ZFYVE28: variants seen among roughly 807,000 people sequenced by gnomAD.
ZFYVE28 encodes the protein zinc finger FYVE-type containing 28.
In ZFYVE28, 40 loss-of-function variants were observed where a neutral mutation model predicts 82.1. That is an observed-to-expected ratio of 0.49 (90% CI 0.38 to 0.63). ZFYVE28 has a LOEUF of 0.63. ZFYVE28 is among the 30% of genes least tolerant of loss of function. The pLI is 0.00. For synonymous variants in ZFYVE28, 612 were observed against 546.1 expected, an observed-to-expected ratio of 1.12 and a Z score of -1.68; for missense variants, 1,321 against 1,242.1, an observed-to-expected ratio of 1.06 and a Z score of -0.96.
At chr4:2,333,556 G>A (rs1721074081) in intron 6 of ZFYVE28, among the ~76,000 whole-genome samples, 1 of 152,036 alleles carries the variant, frequency 6.6e-6, no homozygotes, top group African/African-American at 2.4e-5. Context: ...GGTCACCTGG[G>A]GTCACCTGCA....
Position 2,270,546 on chromosome 4 carries a change from G to T in ZFYVE28, c.*179C>A. On this transcript the variant is annotated 3_prime_UTR_variant, in exon 13 of 13. Transcript: ENST00000290974. ...TCTTGTTGGCCCCTGCAGCCGGCCC[G>T]GGGTCCCTGCAGGGAGGCTAGCGTG... 1.1e-6 allele frequency: 1 copy of T among 911,068 alleles called. No homozygotes were observed. 56.4% of individuals were successfully genotyped at this position (911,068 alleles called of 1,614,324 possible). A position where few individuals can be genotyped will look rare whatever the true frequency, so the allele number is the denominator to read the frequency against.
chr4:2,283,565 A>T (rs1389891114), intron 8 of ZFYVE28, among the ~76,000 whole-genome samples: 1 of 119,706 alleles, frequency 8.4e-6, no homozygotes, highest in Admixed American at 8.0e-5. Flanking sequence ...CAACCATCCA[A>T]CCGTCCATCC....
intron 8 of ZFYVE28, among the ~76,000 whole-genome samples, chr4:2,293,920 C>T (rs1714144122): frequency 6.6e-6 from 1 of 151,946 alleles, no homozygotes; most frequent in Non-Finnish European, 1.5e-5. Context: ...AAGACCTGTA[C>T]AGTTAAAAAC....
chr4:2,302,026 G>A (rs1715630697), intron 8 of ZFYVE28, among the ~76,000 whole-genome samples: 1 of 152,256 alleles, frequency 6.6e-6, no homozygotes, highest in Admixed American at 6.5e-5. Context: ...CTGCCCCGCA[G>A]TGAAGGGAAG....
chr4:2,302,151 G>A (rs748870172), intron 8 of ZFYVE28, among the ~76,000 whole-genome samples: 5 of 152,206 alleles, frequency 3.3e-5, no homozygotes, highest in South Asian at 2.1e-4. Context: ...GGGGATACGC[G>A]GGTGTGTATC....
At chr4:2,296,658 G>A (rs907882940) in intron 8 of ZFYVE28, among the ~76,000 whole-genome samples, 18 of 152,090 alleles carry the variant, frequency 1.2e-4, no homozygotes, top group African/African-American at 2.7e-4. Flanking sequence ...ACCTGCCACC[G>A]GGCCCCAGAC....
In ZFYVE28 at chr4:2,366,171, C is replaced by T. The variant is rs76000660; in HGVS notation, c.40-12098G>A. On this transcript the variant is annotated intron_variant, in intron 1 of 12. Transcript: ENST00000290974. ...GCAGAATTACAGCACCCAGTTATTC[C>T]AGCAAAAAACATAGGCGTGAACTCT... is the stretch of plus-strand genomic sequence containing the variant. Among the ~76,000 whole-genome samples the T allele has an allele frequency of 9.2e-3, 1,395 of 152,272 alleles. 19 individuals are homozygous for T. The highest frequency in any genetic ancestry group is 0.032 in the African/African-American group (1,309 of 41,554).
intron 1 of ZFYVE28, among the ~76,000 whole-genome samples, chr4:2,390,166 AG>A (rs2108923684): frequency 6.7e-6 from 1 of 148,640 alleles, no homozygotes; most frequent in South Asian, 2.1e-4. Flanking sequence ...GTGAAGATGG[AG>A]GTGGAGACTG....
chr4:2,316,836 G>A (rs1417839282), intron 7 of ZFYVE28, among the ~76,000 whole-genome samples: 6 of 152,036 alleles, frequency 3.9e-5, no homozygotes. Context: ...GGGACTACAG[G>A]TGCGCACCAC....
chr4:2,398,673 C>G (rs1447152036), intron 1 of ZFYVE28, among the ~76,000 whole-genome samples: 5 of 128,760 alleles, frequency 3.9e-5, no homozygotes, highest in South Asian at 2.8e-4. Flanking sequence ...CGAGGAGGAG[C>G]GAGATCCAGG....
chr4:2,288,022 C>G (rs1049426077), intron 8 of ZFYVE28, among the ~76,000 whole-genome samples: 1 of 152,216 alleles, frequency 6.6e-6, no homozygotes, highest in African/African-American at 2.4e-5. Flanking sequence ...CCTCCACCCC[C>G]ACTCCTGTCT....
Position 2,304,626 on chromosome 4 carries a change from C to T in ZFYVE28, c.1714G>A (p.Asp572Asn), listed in dbSNP as rs765213994. ...CGCTCCACCACGTCCTCCCTGCTGT[C>T]CCCGCAGCTCCCACAGCACACGCAG... ...HSCVCCGSCG[D>N]SREDVVERLR... Residue 572 changes from aspartate to asparagine, a missense_variant, in exon 8 of 13, where the codon GAC becomes AAC. Physicochemically the swap from Asp to Asn is conservative, Grantham distance 23 (BLOSUM62 1). Coordinates refer to ENST00000290974, the MANE Select transcript of ZFYVE28 (RefSeq NM_020972.3). 5.0e-6 allele frequency: 8 copies of T among 1,612,380 alleles called. No individual in the cohort carries two copies. The highest frequency in any genetic ancestry group is 1.7e-5 in the Admixed American group (1 of 59,944).
chr4:2,385,379 G>C (rs1046731140), intron 1 of ZFYVE28, among the ~76,000 whole-genome samples: 2 of 152,290 alleles, frequency 1.3e-5, no homozygotes, highest in East Asian at 3.9e-4. Flanking sequence ...CGCTGAGAGA[G>C]CACCTGCTGC....
chr4:2,390,591 C>T (rs962778273), intron 1 of ZFYVE28, among the ~76,000 whole-genome samples: 6 of 152,112 alleles, frequency 3.9e-5, no homozygotes, highest in African/African-American at 1.4e-4. Flanking sequence ...AGAAATGTCC[C>T]CAGAATACTC....
chr4:2,381,719 T>C (rs975570498), intron 1 of ZFYVE28, among the ~76,000 whole-genome samples: 5 of 152,184 alleles, frequency 3.3e-5, no homozygotes, highest in Non-Finnish European at 4.4e-5. Flanking sequence ...GACAATGTGA[T>C]AGAAGAGAAA....
Position 2,409,692 on chromosome 4 carries a change from G to A in ZFYVE28, c.39+8593C>T, listed in dbSNP as rs1261869823. Among the ~76,000 whole-genome samples, 1 of 152,238 alleles carries A rather than the reference G, an allele frequency of 6.6e-6. No homozygotes were observed. Among genetic ancestry groups the A allele is most frequent in the Non-Finnish European group, 1.5e-5 (1 of 68,046 alleles). On this transcript the variant is annotated intron_variant, in intron 1 of 12. Transcript: ENST00000290974. This position sits in a 1 kb window ranked among gnomAD's most constrained non-coding sequence, Gnocchi z 4.4. ...AGGCTGAGTCCAGTACACCCACGGT[G>A]GGGTGGGGGGGCTGACCCCTGCGGG...
In ZFYVE28 at chr4:2,304,836, C is replaced by T; in HGVS notation, c.1504G>A (p.Glu502Lys). 1.2e-6 allele frequency: 2 copies of T among 1,612,676 alleles called. No individual in the cohort carries two copies. The highest frequency in any genetic ancestry group is 1.7e-6 in the Non-Finnish European group (2 of 1,179,932). Reference sequence around the variant, plus strand: ...CCCCCTGTCCGGTGGGCGATCATCTCAGCCGTCTCTGCGTCATCCGCACCC... The same window carrying T: ...CCCCCTGTCCGGTGGGCGATCATCTTAGCCGTCTCTGCGTCATCCGCACCC... The part of the protein sequence containing the change: ...EVGADDAETA[E>K]MIAHRTGGMK... The change falls in exon 8 of 13, where the codon GAG becomes AAG. Residue 502 changes from glutamate to lysine, a missense_variant. By Grantham distance (56) the Glu-to-Lys change is moderately conservative. Transcript: ENST00000290974.
At position 2,417,840 on chromosome 4, in the gene ZFYVE28, G is replaced by A. The variant is rs912165771; in HGVS notation, c.39+445C>T. On this transcript the variant is annotated intron_variant, in intron 1 of 12. Transcript: ENST00000290974. The surrounding 1 kb of genome is among the most constrained non-coding windows in gnomAD (Gnocchi z 4.8). ...GATCTATTCCGGGCCCAGGACAATG[G>A]GGGTGGGGGCAGGACGGGAATGAGG... Among the ~76,000 whole-genome samples, 1 of 151,558 alleles carries A rather than the reference G, an allele frequency of 6.6e-6. No individual in the cohort carries two copies. Among genetic ancestry groups the A allele is most frequent in the Non-Finnish European group, 1.5e-5 (1 of 67,966 alleles).
chr4:2,313,667 A>C (rs927694273), intron 7 of ZFYVE28, among the ~76,000 whole-genome samples: 3 of 152,108 alleles, frequency 2.0e-5, no homozygotes, highest in Non-Finnish European at 2.9e-5. Flanking sequence ...GGAGTTCAGG[A>C]CCAGCCTGGC....
Sources: allele counts gnomAD v4.1 joint callset (sites outside exome capture counted in the v4.1 genomes callset), GRCh38; gene constraint gnomAD v4.1.1; non-coding constraint Gnocchi (gnomAD v3.1); transcripts MANE v1.5; gene names NCBI Gene and HGNC (gene_info 2026-07-23, HGNC 2026-07-21).